The following COPE variants were observed in gnomAD, a reference collection of about 807,000 sequenced individuals.
The protein encoded by COPE is coat protein complex I subunit epsilon.
In COPE, 19 loss-of-function variants were observed where a neutral mutation model predicts 42.1. The observed-to-expected ratio is 0.45, with a 90% CI of 0.31 to 0.66. The LOEUF is 0.66. COPE is among the 30% of genes least tolerant of loss of function. The pLI is 0.05. For missense variants in COPE, 402 were observed against 416.1 expected, an observed-to-expected ratio of 0.97 and a Z score of 0.30; for synonymous variants, 195 against 181.3, an observed-to-expected ratio of 1.08 and a Z score of -0.60.
Position 18,899,661 on chromosome 19 carries a change from G to A in COPE, c.*18C>T. 2 of 1,613,264 alleles carry A rather than the reference G, an allele frequency of 1.2e-6. No homozygotes were observed. The highest frequency in any genetic ancestry group is 1.7e-6 in the Non-Finnish European group (2 of 1,179,928). ...GCCTCTGTCCTGGCTTCATGGTCCT[G>A]ACAGCTCTGGGCCAGCCTCAGGCGC... is the stretch of plus-strand genomic sequence containing the variant. On this transcript the variant is annotated 3_prime_UTR_variant, in exon 10 of 10. Coordinates refer to ENST00000262812, the MANE Select transcript of COPE (RefSeq NM_007263.4).
intron 7 of COPE, among the ~76,000 whole-genome samples, 191 bp downstream of exon 7, chr19:18,903,077 C>T (rs925876504): frequency 2.6e-5 from 4 of 152,206 alleles, no homozygotes; most frequent in East Asian, 3.9e-4. Flanking sequence ...TCTGTGAGGC[C>T]GGAATCTGGA....
intron 7 of COPE, among the ~76,000 whole-genome samples, chr19:18,902,928 A>G (rs1201207475): frequency 2.6e-5 from 4 of 151,686 alleles, no homozygotes; most frequent in South Asian, 2.1e-4. Flanking sequence ...TCTCCCCTAC[A>G]TAAGTACGGG....
At chr19:18,906,752 G>T (rs530733079) in intron 4 of COPE, 4 of 548,650 alleles carry the variant, frequency 7.3e-6, no homozygotes, top group South Asian at 5.3e-5. Flanking sequence ...TGGGCACCGT[G>T]TCCTTGGATC....
chr19:18,902,748 AAAGG>A lies in COPE; in HGVS notation c.735+516_735+519del, dbSNP rs377535730. On this transcript the variant is annotated intron_variant, in intron 7 of 9. Coordinates refer to ENST00000262812, the MANE Select transcript of COPE (RefSeq NM_007263.4). ...AGGAAGGAAAGGAAGGAAAGGAAGGAAAGGAAGGAAGGAAGGAAGGGAAAGAAGG... is the reference window on the plus strand; with the variant it reads ...AGGAAGGAAAGGAAGGAAAGGAAGGAAAGGAAGGAAGGAAGGGAAAGAAGG... Among the ~76,000 whole-genome samples, 104 of 51,962 alleles carry A rather than the reference AAAGG, an allele frequency of 2.0e-3. 21 individuals are homozygous for A. The highest frequency in any genetic ancestry group is 0.017 in the South Asian group (34 of 1,996). 34.1% of individuals were successfully genotyped at this position (51,962 alleles called of 152,430 possible).
chr19:18,904,916 C>T (rs1334391947), intron 5 of COPE, 64 bp from the exon 6 acceptor site: 2 of 1,486,624 alleles, frequency 1.3e-6, no homozygotes, highest in Non-Finnish European at 1.8e-6. Context: ...CCATCCCTGC[C>T]TTGTCCCCAC....
chr19:18,916,004 C>G (rs1391104785), intron 1 of COPE, among the ~76,000 whole-genome samples: 1 of 152,172 alleles, frequency 6.6e-6, no homozygotes, highest in East Asian at 1.9e-4. Context: ...CTACCACAGA[C>G]CAGATGGCTT....
intron 3 of COPE, among the ~76,000 whole-genome samples, chr19:18,908,300 G>A (rs1042022033): frequency 2.6e-5 from 4 of 151,916 alleles, no homozygotes; most frequent in South Asian, 2.1e-4. Context: ...GCCTGGTGGC[G>A]CCTGTAGTCC....
At chr19:18,900,087 C>T (rs1012874294) in intron 8 of COPE, 140 bp from the exon 9 acceptor site, 33 of 618,642 alleles carry the variant, frequency 5.3e-5, no homozygotes, top group Admixed American at 2.2e-4. Flanking sequence ...GGGCTGATCT[C>T]GGAGAACCTT....
At chr19:18,904,954 C>G in intron 5 of COPE, 102 bp from the exon 6 acceptor site, 1 of 1,200,062 alleles carries the variant, frequency 8.3e-7, no homozygotes, top group Non-Finnish European at 1.2e-6. Flanking sequence ...CTGGGGATGG[C>G]CCCTGCTTTG....
At chr19:18,899,990 C>T (rs1247833714) in intron 8 of COPE, 43 bp from the exon 9 acceptor site, 1 of 1,572,808 alleles carries the variant, frequency 6.4e-7, no homozygotes, top group African/African-American at 1.3e-5. Context: ...ACACGGGGAC[C>T]CCACGGTGGC....
intron 2 of COPE, chr19:18,911,273 C>T: frequency 1.7e-6 from 1 of 589,484 alleles, no homozygotes; most frequent in Non-Finnish European, 3.1e-6. Flanking sequence ...CCCTCATCTG[C>T]AGGGCCACAC....
At chr19:18,904,905 G>A (rs935164007) in intron 5 of COPE, 53 bp from the exon 6 acceptor site, 12 of 1,517,888 alleles carry the variant, frequency 7.9e-6, no homozygotes, top group Non-Finnish European at 1.1e-5. Context: ...CCCTGGCCTG[G>A]CCATCCCTGC....
intron 1 of COPE, among the ~76,000 whole-genome samples, chr19:18,918,704 C>CA (rs1420056630): frequency 1.3e-5 from 2 of 152,166 alleles, no homozygotes; most frequent in Non-Finnish European, 1.5e-5. Flanking sequence ...GCCAGAATTA[C>CA]AGGCGTTTGA....
Position 18,919,339 on chromosome 19 carries a change from G to T in COPE, c.10C>A (p.Pro4Thr), listed in dbSNP as rs139741125. The T allele has an allele frequency of 2.5e-6, 4 of 1,613,630 alleles. No homozygotes were observed. The highest frequency in any genetic ancestry group is 2.2e-5 in the East Asian group (1 of 44,902). MAP[P>T]APGPASGGSG... ...CCGCCGGAGGCCGGGCCGGGGGCCG[G>T]AGGCGCCATTTCGCTGTCTTCTCAC... The change falls in exon 1 of 10, where the codon CCG (proline) becomes ACG (threonine). Residue 4 changes from proline (P) to threonine (T), a missense_variant. By Grantham distance (38) the Pro-to-Thr change is conservative (BLOSUM62 -1). Transcript: ENST00000262812.
chr19:18,905,494 AGACGCTCTGGGCTGT>A (rs200247935), intron 5 of COPE, 67 bp downstream of exon 5: 37,269 of 1,370,088 alleles, frequency 0.027, 599 homozygotes, highest in African/African-American at 0.047. Flanking sequence ...ACAGCACCAC[AGACGCTCTGGGCTGT>A]GACGCTCTGG....
intron 1 of COPE, among the ~76,000 whole-genome samples, chr19:18,916,306 T>C (rs1463884517): frequency 2.6e-5 from 4 of 151,474 alleles, no homozygotes; most frequent in Non-Finnish European, 4.4e-5. Flanking sequence ...TGAGCTGAGA[T>C]TGTGCCACTG....
In COPE at chr19:18,912,806, G is replaced by A. The variant is rs1001452047; in HGVS notation, c.189+178C>T. ...CCTGGCCTGGCAGTCTCAGGCCTCCGTGACACAGCCACCTTCACATGCTGG... is the reference window on the plus strand; with the variant it reads ...CCTGGCCTGGCAGTCTCAGGCCTCCATGACACAGCCACCTTCACATGCTGG... On this transcript the variant is annotated intron_variant, in intron 2 of 9. Transcript: ENST00000262812. Among the ~76,000 whole-genome samples, 15 of 151,248 alleles carry A rather than the reference G, an allele frequency of 9.9e-5. No homozygotes were observed. In the South Asian group the frequency reaches 1.9e-3, roughly 19 times the overall value.
rs575079459 is a variant in COPE, at chr19:18,907,069, C to T, written c.334G>A (p.Val112Met). ...AGGAAGGTGGTGTTGGTCACGTCCACGCTCCTGCTCATCTCTCGGTCCAGC... is the reference window on the plus strand; with the variant it reads ...AGGAAGGTGGTGTTGGTCACGTCCATGCTCCTGCTCATCTCTCGGTCCAGC... ...AELDREMSRSVDVTNTTFLLM... is the reference protein window; with the variant it reads ...AELDREMSRSMDVTNTTFLLM... Residue 112 changes from valine (V) to methionine (M), a missense_variant, in exon 4 of 10, where the codon GTG becomes ATG. Transcript: ENST00000262812. 9.3e-6 allele frequency: 15 copies of T among 1,610,864 alleles called. No homozygotes were observed. Among genetic ancestry groups the T allele is most frequent in the African/African-American group, 5.3e-5 (4 of 75,008 alleles).
Position 18,903,396 on chromosome 19 carries a change from A to T in COPE, c.607T>A (p.Tyr203Asn). Residue 203 changes from tyrosine (Y) to asparagine (N), a missense_variant, in exon 7 of 10, where the codon TAC (tyrosine) becomes AAC (asparagine). By Grantham distance (143) the Tyr-to-Asn change is moderately radical (BLOSUM62 -2). Transcript: ENST00000262812. ...TTGTCAGCCATCTCCTGGAAGATGT[A>T]GTAGGCATCCTGCAGCTTCTCACCA... Reference protein sequence around the residue: ...TGGEKLQDAYYIFQEMADKCS... With the variant: ...TGGEKLQDAYNIFQEMADKCS... The T allele has an allele frequency of 6.2e-7, 1 of 1,612,580 alleles. No homozygotes were observed. The highest frequency in any genetic ancestry group is 8.5e-7 in the Non-Finnish European group (1 of 1,179,284).
Sources: gnomAD v4.1 joint callset for allele counts (sites outside exome capture counted in the v4.1 genomes callset) on GRCh38, gnomAD v4.1.1 for gene constraint, MANE v1.5 for transcripts, NCBI Gene and HGNC (gene_info 2026-07-23, HGNC 2026-07-21) for gene names.